TAF7L: variants seen among roughly 807,000 people sequenced by gnomAD.
The protein encoded by TAF7L is transcription initiation factor TFIID subunit 7-like.
TAF7L carries 6 observed loss-of-function variants against 30.2 expected under a neutral mutation model. The observed-to-expected ratio is 0.20, with a 90% CI of 0.11 to 0.39. TAF7L has a LOEUF of 0.39. TAF7L is among the 10% of genes least tolerant of loss of function. TAF7L has a pLI of 1.00. For missense variants in TAF7L, 284 were observed against 277.1 expected, an observed-to-expected ratio of 1.03 and a Z score of -0.18; for synonymous variants, 93 against 94.5, an observed-to-expected ratio of 0.98 and a Z score of 0.09.
At chrX:101,283,769 C>T (rs1233393922) in intron 3 of TAF7L, among the ~76,000 whole-genome samples, 186 bp from the exon 4 acceptor site, 1 of 112,115 alleles carries the variant, frequency 8.9e-6, no homozygotes, top group Non-Finnish European at 1.9e-5. Context: ...GTATATGGAG[C>T]TCTTTTTTCC....
In TAF7L at chrX:101,281,701, C is replaced by A; in HGVS notation, c.462+19G>T. ...TCTTCTAATCGGCCCGGCAGACACA[C>A]AAATAGCATGTAACTAACCTTTTTT... On this transcript the variant is annotated intron_variant, in intron 6 of 12. Coordinates refer to ENST00000356784, the MANE Select transcript of TAF7L (RefSeq NM_001168474.2). 8.3e-7 allele frequency: 1 copy of A among 1,207,909 alleles called. No individual in the cohort carries two copies. The highest frequency in any genetic ancestry group is 1.1e-6 in the Non-Finnish European group (1 of 892,305).
intron 12 of TAF7L, among the ~76,000 whole-genome samples, chrX:101,273,474 A>G (rs7391371): frequency 0.34 from 37,605 of 110,035 alleles, 4,713 homozygotes; most frequent in Middle Eastern, 0.38. Context: ...CTGTAGTCCC[A>G]GTTACTTGGG....
intron 1 of TAF7L, among the ~76,000 whole-genome samples, chrX:101,288,389 C>T (rs1057409931): frequency 1.7e-4 from 19 of 109,670 alleles, no homozygotes; most frequent in African/African-American, 6.0e-4. Context: ...GTGATCCGCC[C>T]ACCTCAGCCT....
At chrX:101,276,602 ACTC>A in intron 9 of TAF7L, 74 bp from the exon 10 acceptor site, 2 of 1,030,353 alleles carry the variant, frequency 1.9e-6, no homozygotes, top group Non-Finnish European at 2.7e-6. Context: ...ATATAATTAT[ACTC>A]CTTTCACATT....
chrX:101,290,327 G>C (rs949252822), intron 1 of TAF7L, among the ~76,000 whole-genome samples: 3 of 111,852 alleles, frequency 2.7e-5, no homozygotes, highest in Non-Finnish European at 5.6e-5. Flanking sequence ...AGATATATAT[G>C]TATATATATG....
Position 101,268,301 on chromosome X carries a change from A to AAAAC in TAF7L, c.*888_*891dup, listed in dbSNP as rs1308407299. On this transcript the variant is annotated 3_prime_UTR_variant, in exon 13 of 13. Transcript: ENST00000356784. ...TTATTGCTTAAAGAACATAGACCAT[A>AAAAC]AAACACTAATAATATACCTAGAAAA... 9 of 112,194 alleles carry AAAAC rather than the reference A, an allele frequency of 8.0e-5. No individual in the cohort carries two copies. The highest frequency in any genetic ancestry group is 2.9e-4 in the African/African-American group (9 of 30,886). The allele number at this position is 112,194 out of a possible 1,213,427, so 9.2% of individuals were successfully genotyped here. A position where few individuals can be genotyped will look rare whatever the true frequency, so the allele number is the denominator to read the frequency against.
At chrX:101,273,471 C>T (rs934480183) in intron 12 of TAF7L, among the ~76,000 whole-genome samples, 3 of 111,068 alleles carry the variant, frequency 2.7e-5, no homozygotes, top group Non-Finnish European at 1.9e-5. Context: ...TGCCTGTAGT[C>T]CCAGTTACTT....
At chrX:101,277,409 G>A (rs1443110439) in intron 9 of TAF7L, among the ~76,000 whole-genome samples, 197 bp downstream of exon 9, 42 of 82,322 alleles carry the variant, frequency 5.1e-4, no homozygotes, top group Non-Finnish European at 6.5e-5. Flanking sequence ...CCGAGATCAC[G>A]CCACTGCACT....
intron 3 of TAF7L, among the ~76,000 whole-genome samples, chrX:101,283,961 A>G (rs1445291352): frequency 3.7e-5 from 4 of 108,765 alleles, no homozygotes; most frequent in African/African-American, 1.3e-4. Context: ...GTGTTTTCAA[A>G]GGGCTGGGTG....
Position 101,269,765 on chromosome X carries a change from G to A in TAF7L, c.1087-528C>T, listed in dbSNP as rs1295934980. On this transcript the variant is annotated intron_variant, in intron 12 of 12. Coordinates refer to ENST00000356784, the MANE Select transcript of TAF7L (RefSeq NM_001168474.2). ...TCCCACCAGGTGCCTCCCACAACAC[G>A]TGGGAATTAAAGATGAGATTTGGGT... Among the ~76,000 whole-genome samples the A allele has an allele frequency of 2.7e-5, 3 of 111,536 alleles. No homozygotes were observed. In the East Asian group the frequency reaches 8.4e-4, roughly 31 times the overall value.
In TAF7L at chrX:101,279,071, G is replaced by A. The variant is rs775917566; in HGVS notation, c.463-36C>T. The A allele has an allele frequency of 1.2e-5, 13 of 1,090,850 alleles. No individual in the cohort carries two copies. In the East Asian group the frequency reaches 3.9e-4, roughly 33 times the overall value. 89.9% of individuals were successfully genotyped at this position (1,090,850 alleles called of 1,213,427 possible). Reference sequence around the variant, plus strand: ...AAACACAATAAACAAGTTATATTATGATACCTATATTTCAGTAAAGCTTAA... The same window carrying A: ...AAACACAATAAACAAGTTATATTATAATACCTATATTTCAGTAAAGCTTAA... On this transcript the variant is annotated intron_variant, in intron 6 of 12. Transcript: ENST00000356784.
In TAF7L at chrX:101,278,259, TTAAG is replaced by T. The variant is rs1924290535; in HGVS notation, c.505-142_505-139del. The T allele has an allele frequency of 2.0e-5, 9 of 454,825 alleles. No homozygotes were observed. The South Asian group carries it at 3.6e-4, about 18-fold the overall frequency. The allele number at this position is 454,825 out of a possible 1,213,427, so 37.5% of individuals were successfully genotyped here. On this transcript the variant is annotated intron_variant, in intron 7 of 12. Transcript: ENST00000356784. ...ATTCTGATCCAACCAAATTTCTACTTTAAGTAGTGCTATTTATAAAGGAATCTTT... is the reference window on the plus strand; with the variant it reads ...ATTCTGATCCAACCAAATTTCTACTTTAGTGCTATTTATAAAGGAATCTTT...
rs1661409530 is a variant in TAF7L at position 101,275,278 on chromosome X, G to T, written c.1030C>A (p.His344Asn). The T allele has an allele frequency of 6.1e-6, 7 of 1,140,449 alleles. No individual in the cohort carries two copies. Among genetic ancestry groups the T allele is most frequent in the Non-Finnish European group, 8.2e-6 (7 of 855,839 alleles). 94.0% of individuals were successfully genotyped at this position (1,140,449 alleles called of 1,213,427 possible). The change falls in exon 12 of 13, where the codon CAT (histidine) becomes AAT (asparagine). Residue 344 changes from histidine to asparagine, a missense_variant. Transcript: ENST00000356784. ...AGCTGCTCCAGCACAGACTGAAAAT[G>T]ATTCTGAAAAATAAATTGTATAAAT... ...MKVENLTLKN[H>N]FQSVLEQLEL...
chrX:101,272,197 T>G (rs940655009), intron 12 of TAF7L, among the ~76,000 whole-genome samples: 6 of 111,818 alleles, frequency 5.4e-5, no homozygotes, highest in Non-Finnish European at 1.1e-4. Flanking sequence ...CTGTACACTC[T>G]CTTGTGGCTT....
chrX:101,291,148 G>T, intron 1 of TAF7L, 76 bp downstream of exon 1: 1 of 447,086 alleles, frequency 2.2e-6, no homozygotes, highest in Non-Finnish European at 2.8e-6. Flanking sequence ...GGAGGGCTGC[G>T]GGGTGCACCG....
chrX:101,276,257 T>C, intron 10 of TAF7L, 50 bp downstream of exon 10: 3 of 1,207,134 alleles, frequency 2.5e-6, no homozygotes, highest in Middle Eastern at 2.3e-4. Context: ...GAGTCAACTG[T>C]TAGCACTGCC....
At chrX:101,290,069 G>C (rs1468840013) in intron 1 of TAF7L, among the ~76,000 whole-genome samples, 1 of 109,932 alleles carries the variant, frequency 9.1e-6, no homozygotes, top group Non-Finnish European at 1.9e-5. Flanking sequence ...ACAAAAATTA[G>C]CTGTATCTTT....
upstream of TAF7L, chrX:101,292,749 A>G (rs759650058): frequency 8.4e-7 from 1 of 1,184,438 alleles, no homozygotes; most frequent in Non-Finnish European, 1.1e-6. Flanking sequence ...TCTCCGAAAG[A>G]AGGTCCTCGG....
Position 101,286,710 on chromosome X carries a change from C to G in TAF7L, c.67-57G>C, listed in dbSNP as rs58348057. On this transcript the variant is annotated intron_variant, in intron 2 of 12. Coordinates refer to ENST00000356784, the MANE Select transcript of TAF7L (RefSeq NM_001168474.2). ...AACTAAACATCTACTTGGCAGCTAA[C>G]AGAATAGATATATCAAAGAAAGCCC... The G allele has an allele frequency of 3.1e-3, 2,826 of 911,407 alleles. 56 individuals are homozygous for G. The African/African-American group carries it at 0.05, about 16-fold the overall frequency. The allele number at this position is 911,407 out of a possible 1,213,427, so 75.1% of individuals were successfully genotyped here.
Sources: gnomAD v4.1 joint callset for allele counts (sites outside exome capture counted in the v4.1 genomes callset) on GRCh38, gnomAD v4.1.1 for gene constraint, MANE v1.5 for transcripts, NCBI Gene and HGNC (gene_info 2026-07-23, HGNC 2026-07-21) for gene names.